ZC3H6: variants seen among roughly 807,000 people sequenced by gnomAD.
The protein encoded by ZC3H6 is zinc finger CCCH domain-containing protein 6.
Under a neutral mutation model 107.7 loss-of-function variants are expected in ZC3H6, and 40 were observed. The observed-to-expected ratio is 0.37, with a 90% CI of 0.29 to 0.48. The LOEUF is 0.48. Ranked by LOEUF, ZC3H6 falls within the 20% of genes least tolerant of loss-of-function variation. ZC3H6 has a pLI of 0.98. For synonymous variants in ZC3H6, 493 were observed against 487.9 expected (o/e 1.01, Z -0.14); for missense variants, 1,267 against 1,410.4 (o/e 0.90, Z 1.63).
rs979916827 is a variant in ZC3H6, at chr2:112,324,792, G to A, written c.1852+129G>A. The A allele has an allele frequency of 2.5e-6, 3 of 1,179,010 alleles. No homozygotes were observed. In the African/African-American group the frequency reaches 4.7e-5, roughly 18 times the overall value. 73.0% of individuals were successfully genotyped at this position (1,179,010 alleles called of 1,614,324 possible). A position where few individuals can be genotyped will look rare whatever the true frequency, so the allele number is the denominator to read the frequency against. On this transcript the variant is annotated intron_variant, in intron 10 of 11. Coordinates refer to ENST00000409871, the MANE Select transcript of ZC3H6 (RefSeq NM_198581.3). ...ATTGATAAGATTGAAACCTTAAAATGTTTTCAGTTTGCCAAACTTTTGAAA... is the reference window on the plus strand; with the variant it reads ...ATTGATAAGATTGAAACCTTAAAATATTTTCAGTTTGCCAAACTTTTGAAA...
At position 112,275,920 on chromosome 2, in the gene ZC3H6, G is replaced by C. The variant is rs1003382107; in HGVS notation, c.-75G>C. The C allele has an allele frequency of 7.5e-4, 1,026 of 1,366,242 alleles. 1 individual carries two copies. The highest frequency in any genetic ancestry group is 9.4e-4 in the Non-Finnish European group (954 of 1,018,512). 84.6% of individuals were successfully genotyped at this position (1,366,242 alleles called of 1,614,324 possible). A position where few individuals can be genotyped will look rare whatever the true frequency, so the allele number is the denominator to read the frequency against. On this transcript the variant is annotated 5_prime_UTR_variant, in exon 1 of 12. Coordinates refer to ENST00000409871, the MANE Select transcript of ZC3H6 (RefSeq NM_198581.3). ...GGAGCAGGTTCCCGCAGGCGGCGCG[G>C]GGGGTCTTCCCCGCGCCCCGCCGCC...
chr2:112,288,711 T>C (rs992893264), intron 1 of ZC3H6, among the ~76,000 whole-genome samples: 4 of 152,240 alleles, frequency 2.6e-5, no homozygotes, highest in African/African-American at 4.8e-5. Flanking sequence ...AGAAATCTTT[T>C]GTTGCTGGTT....
At chr2:112,324,739 A>G (rs1049693090) in intron 10 of ZC3H6, 76 bp downstream of exon 10, 2 of 1,377,696 alleles carry the variant, frequency 1.5e-6, no homozygotes, top group Non-Finnish European at 1.9e-6. Flanking sequence ...CATGACAGAA[A>G]CGTAAGTTTT....
intron 5 of ZC3H6, among the ~76,000 whole-genome samples, chr2:112,315,581 C>CT (rs1233670193): frequency 4.7e-5 from 7 of 150,320 alleles, no homozygotes; most frequent in Non-Finnish European, 7.4e-5. Context: ...ATATTGTAAA[C>CT]TTTTTTTTTG....
At chr2:112,281,807 A>G (rs1385314495) in intron 1 of ZC3H6, among the ~76,000 whole-genome samples, 1 of 151,652 alleles carries the variant, frequency 6.6e-6, no homozygotes, top group Non-Finnish European at 1.5e-5. Context: ...AGAAGAGCAC[A>G]GAAGTTTTTG....
At chr2:112,326,089 G>A (rs1006999029) in intron 11 of ZC3H6, among the ~76,000 whole-genome samples, 8 of 151,926 alleles carry the variant, frequency 5.3e-5, no homozygotes, top group Non-Finnish European at 7.4e-5. Context: ...TTGTGGGTAC[G>A]TAGTAGGTAT....
At chr2:112,276,150 A>C (rs1251998533) in intron 1 of ZC3H6, 124 bp downstream of exon 1, 3 of 791,260 alleles carry the variant, frequency 3.8e-6, no homozygotes, top group South Asian at 3.9e-5. Context: ...CGTCAGTTCC[A>C]TGACGCGCAC....
Position 112,334,189 on chromosome 2 carries a change from A to G in ZC3H6, c.*1701A>G, listed in dbSNP as rs993012837. 4 of 152,164 alleles carry G rather than the reference A, an allele frequency of 2.6e-5. No homozygotes were observed. Among genetic ancestry groups the G allele is most frequent in the Non-Finnish European group, 5.9e-5 (4 of 67,978 alleles). The allele number at this position is 152,164 out of a possible 1,614,324, so 9.4% of individuals were successfully genotyped here. On this transcript the variant is annotated 3_prime_UTR_variant, in exon 12 of 12. Transcript: ENST00000409871. ...CACCATAGAAAGTATTTTCTGATTT[A>G]CTGTCCAAATGAATTTTGTTGTTAA...
intron 2 of ZC3H6, among the ~76,000 whole-genome samples, chr2:112,300,549 T>G (rs1336678176): frequency 6.6e-6 from 1 of 152,216 alleles, no homozygotes; most frequent in East Asian, 1.9e-4. Flanking sequence ...ATATTTTAAT[T>G]GATGGAAGCT....
Position 112,331,455 on chromosome 2 carries a change from G to A in ZC3H6, c.2537G>A (p.Gly846Asp). The A allele has an allele frequency of 3.7e-6, 6 of 1,613,906 alleles. No homozygotes were observed. The highest frequency in any genetic ancestry group is 5.1e-6 in the Non-Finnish European group (6 of 1,179,888). ...AFLIPLDASP[G>D]IMLQDPRSQL... Reference sequence around the variant, plus strand: ...TTAATACCTTTGGATGCCTCACCTGGCATAATGCTCCAGGATCCAAGGTCA... The same window carrying A: ...TTAATACCTTTGGATGCCTCACCTGACATAATGCTCCAGGATCCAAGGTCA... Residue 846 changes from glycine (G) to aspartate (D), a missense_variant, in exon 12 of 12, where the codon GGC becomes GAC. Gly to Asp is a moderately conservative substitution (Grantham distance 94). Transcript: ENST00000409871.
rs145525256 is a variant in ZC3H6, at chr2:112,278,101, C to G, written c.32+2075C>G. 9.6e-4 allele frequency among the ~76,000 whole-genome samples: 146 copies of G among 152,238 alleles called. 4 individuals carry two copies. In the East Asian group the frequency reaches 0.022, roughly 23 times the overall value. ...GAATAAATTTTTGTTCTGCCCAGAG[C>G]AACTGAATCAGAATCTCTAGGGTAT... On this transcript the variant is annotated intron_variant, in intron 1 of 11. Coordinates refer to ENST00000409871, the MANE Select transcript of ZC3H6 (RefSeq NM_198581.3).
At chr2:112,289,643 C>G (rs949913856) in intron 1 of ZC3H6, among the ~76,000 whole-genome samples, 1 of 152,318 alleles carries the variant, frequency 6.6e-6, no homozygotes, top group East Asian at 1.9e-4. Context: ...TCTTCATCAA[C>G]TTATCTGGGA....
chr2:112,311,991 T>C, intron 5 of ZC3H6, 54 bp downstream of exon 5: 1 of 1,492,246 alleles, frequency 6.7e-7, no homozygotes, highest in Non-Finnish European at 9.0e-7. Context: ...TTTTAATTTA[T>C]TTGATGGCAA....
Position 112,325,174 on chromosome 2 carries a change from A to G in ZC3H6, c.2063A>G (p.His688Arg). 1 of 1,613,798 alleles carries G rather than the reference A, an allele frequency of 6.2e-7. No homozygotes were observed. The highest frequency in any genetic ancestry group is 1.7e-5 in the Admixed American group (1 of 60,016). Reference protein sequence around the residue: ...EDEEQTSTQPHRAPSKEEDDT... With the variant: ...EDEEQTSTQPRRAPSKEEDDT... Reference sequence around the variant, plus strand: ...GAAGAACAAACCAGCACCCAACCTCATAGGGCACCAAGCAAGGAAGAAGGT... The same window carrying G: ...GAAGAACAAACCAGCACCCAACCTCGTAGGGCACCAAGCAAGGAAGAAGGT... The change falls in exon 11 of 12, where the codon CAT (histidine) becomes CGT (arginine). Residue 688 changes from histidine (H) to arginine (R), a missense_variant. By Grantham distance (29) the His-to-Arg change is conservative (BLOSUM62 0). This residue lies in a region of ZC3H6 where 925 missense variants were observed against 1,025.7 expected (regional missense o/e 0.90). Transcript: ENST00000409871.
rs572813113 is a variant in ZC3H6, at chr2:112,314,479, CAATG to C, written c.748-1988_748-1985del. ...TCCTCACCACAATCCTCTATTAAAACAATGAAACATTATTTGGAAGTAATGTATA... is the reference window on the plus strand; with the variant it reads ...TCCTCACCACAATCCTCTATTAAAACAAACATTATTTGGAAGTAATGTATA... On this transcript the variant is annotated intron_variant, in intron 5 of 11. Transcript: ENST00000409871. 1.5e-3 allele frequency among the ~76,000 whole-genome samples: 231 copies of C among 152,092 alleles called. 1 individual carries two copies. The highest frequency in any genetic ancestry group is 5.4e-3 in the African/African-American group (224 of 41,474).
At chr2:112,315,911 T>G (rs1352662641) in intron 5 of ZC3H6, among the ~76,000 whole-genome samples, 7 of 152,216 alleles carry the variant, frequency 4.6e-5, no homozygotes, top group Non-Finnish European at 7.3e-5. Context: ...TCCAAAGTTG[T>G]TGATTTTTTA....
rs989510990 is a variant in ZC3H6 at position 112,337,181 on chromosome 2, T to G, written c.*4693T>G. 1 of 152,220 alleles carries G rather than the reference T, an allele frequency of 6.6e-6. No individual in the cohort carries two copies. The highest frequency in any genetic ancestry group is 2.4e-5 in the African/African-American group (1 of 41,454). 9.4% of individuals were successfully genotyped at this position (152,220 alleles called of 1,614,324 possible). On this transcript the variant is annotated 3_prime_UTR_variant, in exon 12 of 12. Transcript: ENST00000409871. ...CATGTTTCCATAATAATTCATAACT[T>G]TAAGAGTCCTCCAGACTTACAAGAT...
At chr2:112,321,444 A>G (rs1676799982) in intron 7 of ZC3H6, among the ~76,000 whole-genome samples, 2 of 152,190 alleles carry the variant, frequency 1.3e-5, no homozygotes, top group South Asian at 4.1e-4. Context: ...TATAATTAAA[A>G]TATCTAACCT....
At chr2:112,280,231 A>G (rs2104690563) in intron 1 of ZC3H6, among the ~76,000 whole-genome samples, 1 of 152,322 alleles carries the variant, frequency 6.6e-6, no homozygotes, top group Non-Finnish European at 1.5e-5. Flanking sequence ...TGTTCCGTGG[A>G]GTAAATAACT....
Sources: gnomAD v4.1 joint callset for allele counts (sites outside exome capture counted in the v4.1 genomes callset) on GRCh38, gnomAD v4.1.1 for gene constraint, gnomAD v4.1.1 regional missense constraint, MANE v1.5 for transcripts, NCBI Gene and HGNC (gene_info 2026-07-23, HGNC 2026-07-21) for gene names.